AGBL4: variants seen among roughly 807,000 people sequenced by gnomAD.
The protein encoded by AGBL4 is AGBL carboxypeptidase 4, also known as cytosolic carboxypeptidase 6.
In AGBL4, 58 loss-of-function variants were observed where a neutral mutation model predicts 66.4. That is an observed-to-expected ratio of 0.87 (90% CI 0.71 to 1.09). The LOEUF is 1.09. AGBL4 is among the 50% of genes least tolerant of loss of function. The pLI is 0.00. For missense variants in AGBL4, 579 were observed against 631.0 expected (o/e 0.92, Z 0.88); for synonymous variants, 234 against 222.9 (o/e 1.05, Z -0.44).
rs557002543 is a variant in AGBL4, at chr1:49,187,697, C to T, written c.377+58073G>A. Reference sequence around the variant, plus strand: ...CAAAATCATCAGGGAATTCAAGGCCCTTCACTATGCGGCTCATGCATACTT... The same window carrying T: ...CAAAATCATCAGGGAATTCAAGGCCTTTCACTATGCGGCTCATGCATACTT... On this transcript the variant is annotated intron_variant, in intron 4 of 13. Coordinates refer to ENST00000371839, the MANE Select transcript of AGBL4 (RefSeq NM_032785.4). 10 of 152,274 alleles carry T rather than the reference C, an allele frequency of 6.6e-5. No individual in the cohort carries two copies. In the East Asian group the frequency reaches 7.7e-4, roughly 12 times the overall value. 9.4% of individuals were successfully genotyped at this position (152,274 alleles called of 1,614,324 possible). A position where few individuals can be genotyped will look rare whatever the true frequency, so the allele number is the denominator to read the frequency against.
intron 2 of AGBL4, among the ~76,000 whole-genome samples, chr1:49,832,210 T>C (rs1425460425): frequency 1.3e-5 from 2 of 150,380 alleles, no homozygotes; most frequent in Non-Finnish European, 3.0e-5. Flanking sequence ...TGTGTTCTCA[T>C]TGTTCAATTC....
chr1:48,672,400 G>A lies in AGBL4; in HGVS notation c.635-9159C>T, dbSNP rs116638780. On this transcript the variant is annotated intron_variant, in intron 6 of 13. Transcript: ENST00000371839. ...CCTGTCTCATGGATGAGGGAGCCAA[G>A]ATAAAAGTCAGTAAAGGCTGGATTC... 6.5e-4 allele frequency among the ~76,000 whole-genome samples: 99 copies of A among 152,326 alleles called. 1 individual carries two copies. Among genetic ancestry groups the A allele is most frequent in the African/African-American group, 2.3e-3 (94 of 41,574 alleles).
intron 5 of AGBL4, among the ~76,000 whole-genome samples, chr1:49,033,916 A>T (rs951564811): frequency 6.6e-6 from 1 of 151,402 alleles, no homozygotes; most frequent in Admixed American, 6.6e-5. Flanking sequence ...TATGCTACCT[A>T]ACCATTCTCA....
intron 1 of AGBL4, among the ~76,000 whole-genome samples, chr1:49,997,874 A>C (rs1184828479): frequency 6.6e-6 from 1 of 152,176 alleles, no homozygotes; most frequent in Non-Finnish European, 1.5e-5. Context: ...ACCACAGTAG[A>C]ATAAAATTGT....
At chr1:49,513,334 T>C (rs1273521456) in intron 3 of AGBL4, among the ~76,000 whole-genome samples, 1 of 151,954 alleles carries the variant, frequency 6.6e-6, no homozygotes, top group Non-Finnish European at 1.5e-5. Flanking sequence ...TACATAGGAA[T>C]ATTGCATGAT....
chr1:49,270,872 A>C (rs1644043373), intron 3 of AGBL4, among the ~76,000 whole-genome samples: 3 of 152,200 alleles, frequency 2.0e-5, no homozygotes, highest in African/African-American at 7.2e-5. Context: ...TGACGAGAAT[A>C]TCAAACTAAA....
At chr1:49,494,462 C>T (rs1045689899) in intron 3 of AGBL4, among the ~76,000 whole-genome samples, 9 of 151,880 alleles carry the variant, frequency 5.9e-5, no homozygotes, top group Non-Finnish European at 1.0e-4. Context: ...GTGTGATGTT[C>T]CCCTTCCTAT....
At chr1:49,360,030 T>C (rs766337284) in intron 3 of AGBL4, among the ~76,000 whole-genome samples, 2 of 152,032 alleles carry the variant, frequency 1.3e-5, no homozygotes, top group East Asian at 1.9e-4. Context: ...ACAGTAGAGG[T>C]TGTCTACAGG....
chr1:49,121,806 GC>G (rs1429707316), intron 4 of AGBL4, among the ~76,000 whole-genome samples: 46 of 152,344 alleles, frequency 3.0e-4, no homozygotes, highest in Admixed American at 2.8e-3. Flanking sequence ...GCTATGTCCT[GC>G]CCACAGAGGT....
intron 5 of AGBL4, among the ~76,000 whole-genome samples, chr1:48,975,572 A>G (rs919825664): frequency 6.6e-5 from 10 of 152,130 alleles, no homozygotes; most frequent in Non-Finnish European, 1.3e-4. Context: ...TGGGACATCA[A>G]GTGATTACGT....
At position 49,220,058 on chromosome 1, in the gene AGBL4, AT is replaced by A. The variant is rs566253860; in HGVS notation, c.377+25711del. ...ATAGCTATTAACATTCATTGGCTGTATTTTAAAATAAACCACAAAAAGTTCA... is the reference window on the plus strand; with the variant it reads ...ATAGCTATTAACATTCATTGGCTGTATTTAAAATAAACCACAAAAAGTTCA... On this transcript the variant is annotated intron_variant, in intron 4 of 13. Coordinates refer to ENST00000371839, the MANE Select transcript of AGBL4 (RefSeq NM_032785.4). Among the ~76,000 whole-genome samples the A allele has an allele frequency of 5.5e-3, 836 of 152,146 alleles. 4 individuals carry two copies. The highest frequency in any genetic ancestry group is 0.011 in the South Asian group (51 of 4,820).
chr1:48,798,046 C>A (rs953383810), intron 6 of AGBL4, among the ~76,000 whole-genome samples: 2 of 152,132 alleles, frequency 1.3e-5, no homozygotes, highest in Non-Finnish European at 2.9e-5. Context: ...TCTTTAAGGA[C>A]TCTCCATACT....
At chr1:49,506,132 T>G (rs1462037429) in intron 3 of AGBL4, among the ~76,000 whole-genome samples, 2 of 151,966 alleles carry the variant, frequency 1.3e-5, no homozygotes, top group African/African-American at 4.8e-5. Flanking sequence ...TAACATCTAT[T>G]AGAGGGGTCA....
At chr1:48,849,336 C>A (rs990570103) in intron 6 of AGBL4, among the ~76,000 whole-genome samples, 6 of 152,136 alleles carry the variant, frequency 3.9e-5, no homozygotes, top group African/African-American at 1.4e-4. Flanking sequence ...TATATATTGG[C>A]CGATGTTTCA....
At chr1:49,585,628 T>C (rs1644633338) in intron 3 of AGBL4, among the ~76,000 whole-genome samples, 1 of 152,126 alleles carries the variant, frequency 6.6e-6, no homozygotes, top group African/African-American at 2.4e-5. Flanking sequence ...TTATTGACTT[T>C]GTGAGATCCC....
intron 4 of AGBL4, among the ~76,000 whole-genome samples, chr1:49,239,654 A>G (rs1212915936): frequency 6.6e-6 from 1 of 152,124 alleles, no homozygotes; most frequent in African/African-American, 2.4e-5. Flanking sequence ...TAAAAAGGAA[A>G]ATGTAAAATT....
chr1:49,202,542 C>A (rs907289884), intron 4 of AGBL4, among the ~76,000 whole-genome samples: 4 of 151,904 alleles, frequency 2.6e-5, no homozygotes, highest in Admixed American at 2.0e-4. Flanking sequence ...GCTTCTTCAA[C>A]AATTGGTATT....
chr1:48,969,772 A>G (rs1212175215), intron 5 of AGBL4, among the ~76,000 whole-genome samples: 2 of 152,160 alleles, frequency 1.3e-5, no homozygotes, highest in Non-Finnish European at 2.9e-5. Flanking sequence ...TCTAGGGCCA[A>G]TCTACCCTAT....
intron 2 of AGBL4, among the ~76,000 whole-genome samples, chr1:49,743,204 A>C (rs1650683817): frequency 6.6e-6 from 1 of 152,328 alleles, no homozygotes; most frequent in South Asian, 2.1e-4. Context: ...ACACATTTAC[A>C]AGAAAAAAAC....
Sources: gnomAD v4.1 joint callset for allele counts (sites outside exome capture counted in the v4.1 genomes callset) on GRCh38, gnomAD v4.1.1 for gene constraint, MANE v1.5 for transcripts, NCBI Gene and HGNC (gene_info 2026-07-23, HGNC 2026-07-21) for gene names.